Variants in RGS7 observed in about 807,000 individuals in gnomAD.
The protein encoded by RGS7 is regulator of G-protein signaling 7.
In RGS7, 27 loss-of-function variants were observed where a neutral mutation model predicts 81.1. The observed-to-expected ratio is 0.33, with a 90% CI of 0.25 to 0.46. The LOEUF (loss-of-function observed/expected upper bound fraction) is 0.46. RGS7 is among the 20% of genes least tolerant of loss of function. The pLI is 1.00. For missense variants in RGS7, 396 were observed against 607.4 expected (o/e 0.65, Z 3.66); for synonymous variants, 208 against 207.7 (o/e 1.00, Z -0.01).
At chr1:241,272,005 A>G (rs1036425551) in intron 2 of RGS7, among the ~76,000 whole-genome samples, 2 of 76,772 alleles carry the variant, frequency 2.6e-5, no homozygotes, top group African/African-American at 4.8e-5. Context: ...TTTTATTTTT[A>G]TTTTTTGAGA....
chr1:240,924,595 T>C (rs901747657), intron 6 of RGS7, among the ~76,000 whole-genome samples: 1 of 152,202 alleles, frequency 6.6e-6, no homozygotes, highest in African/African-American at 2.4e-5. Flanking sequence ...CTCCCTTCCA[T>C]ACTAAATATG....
intron 2 of RGS7, among the ~76,000 whole-genome samples, chr1:241,263,828 C>T (rs1031525564): frequency 6.6e-6 from 1 of 152,132 alleles, no homozygotes; most frequent in Non-Finnish European, 1.5e-5. Flanking sequence ...CCTGACATTG[C>T]AAACTCTGGG....
intron 2 of RGS7, among the ~76,000 whole-genome samples, chr1:241,227,131 G>A (rs2075353113): frequency 6.6e-6 from 1 of 152,128 alleles, no homozygotes; most frequent in African/African-American, 2.4e-5. Context: ...GGAAAAGGAG[G>A]AATCTACCAT....
At chr1:241,298,255 G>A (rs1474146514) in intron 2 of RGS7, among the ~76,000 whole-genome samples, 1 of 152,154 alleles carries the variant, frequency 6.6e-6, no homozygotes, top group Non-Finnish European at 1.5e-5. Context: ...TGAATCCCTT[G>A]ATTGAGGGTC....
chr1:241,138,801 T>C (rs1183619588), intron 2 of RGS7, among the ~76,000 whole-genome samples: 1 of 152,152 alleles, frequency 6.6e-6, no homozygotes, highest in Admixed American at 6.5e-5. Context: ...CTTTCCATGG[T>C]TTTCCTCATA....
chr1:241,186,550 G>C, intron 2 of RGS7: 1 of 295,644 alleles, frequency 3.4e-6, no homozygotes, highest in Non-Finnish European at 4.8e-6. Context: ...TTGAGACGGA[G>C]TTTTGCTCTT....
chr1:240,786,203 A>C lies in RGS7; in HGVS notation c.*7-9990T>G, dbSNP rs1685038083. On this transcript the variant is annotated intron_variant, in intron 18 of 18. Coordinates refer to ENST00000440928, the MANE Select transcript of RGS7 (RefSeq NM_001364886.1). Reference sequence around the variant, plus strand: ...AAGAAAACATAGAAAAAAGAGAAGAAATAAATATTACTTGAAATATGATCA... The same window carrying C: ...AAGAAAACATAGAAAAAAGAGAAGACATAAATATTACTTGAAATATGATCA... Among the ~76,000 whole-genome samples the C allele has an allele frequency of 1.3e-5, 2 of 152,310 alleles. 1 individual carries two copies.
At chr1:240,997,528 C>CA (rs564571549) in intron 3 of RGS7, among the ~76,000 whole-genome samples, 2 of 151,962 alleles carry the variant, frequency 1.3e-5, no homozygotes, top group East Asian at 1.9e-4. Flanking sequence ...TCAAAACAAT[C>CA]AAAAAAATTC....
chr1:241,261,753 T>A (rs1185106104), intron 2 of RGS7, among the ~76,000 whole-genome samples: 6 of 133,002 alleles, frequency 4.5e-5, no homozygotes, highest in Non-Finnish European at 9.6e-5. Context: ...TCAGGAGCCA[T>A]AATGTTAATT....
chr1:240,824,347 A>G (rs1255830208), intron 10 of RGS7, among the ~76,000 whole-genome samples: 1 of 152,234 alleles, frequency 6.6e-6, no homozygotes, highest in Non-Finnish European at 1.5e-5. Context: ...TGCTACGAGC[A>G]TTATCTGCTT....
chr1:240,950,685 T>C (rs1679408249), intron 4 of RGS7, among the ~76,000 whole-genome samples: 3 of 152,176 alleles, frequency 2.0e-5, no homozygotes, highest in Admixed American at 2.0e-4. Flanking sequence ...TATGGTATAA[T>C]ATCAGATTAC....
At chr1:241,076,316 C>G (rs920324941) in intron 3 of RGS7, among the ~76,000 whole-genome samples, 1 of 152,162 alleles carries the variant, frequency 6.6e-6, no homozygotes, top group Non-Finnish European at 1.5e-5. Flanking sequence ...GGCTTCCCTT[C>G]ACTTTGAAAT....
intron 2 of RGS7, among the ~76,000 whole-genome samples, chr1:241,270,761 C>CTT (rs1043826920): frequency 3.4e-4 from 50 of 148,978 alleles, no homozygotes; most frequent in Middle Eastern, 3.4e-3. Context: ...ACCCCCCCCC[C>CTT]TTTTTTTTTT....
intron 2 of RGS7, among the ~76,000 whole-genome samples, chr1:241,215,061 A>T (rs2147948110): frequency 6.6e-6 from 1 of 152,304 alleles, no homozygotes; most frequent in Non-Finnish European, 1.5e-5. Flanking sequence ...TAATTTTTAG[A>T]GTGCCCTGGT....
intron 6 of RGS7, among the ~76,000 whole-genome samples, chr1:240,929,477 G>T (rs1675029889): frequency 6.7e-6 from 1 of 149,720 alleles, no homozygotes; most frequent in Admixed American, 6.6e-5. Context: ...CTGGTTTTTA[G>T]ATTTTTTTTT....
intron 2 of RGS7, among the ~76,000 whole-genome samples, chr1:241,126,396 G>A (rs2066663984): frequency 1.3e-5 from 2 of 152,006 alleles, no homozygotes. Context: ...TGATCCGCCC[G>A]CCTTGGCCTC....
At position 241,150,366 on chromosome 1, in the gene RGS7, T is replaced by C. The variant is rs192005066; in HGVS notation, c.79-51604A>G. On this transcript the variant is annotated intron_variant, in intron 2 of 18. Transcript: ENST00000440928. ...ACATTAAAATAGAAATATTTCAATC[T>C]CAGTTTTGCCTAAGGCCCCAAGTCC... is the stretch of plus-strand genomic sequence containing the variant. Among the ~76,000 whole-genome samples, 491 of 152,246 alleles carry C rather than the reference T, an allele frequency of 3.2e-3. 3 individuals are homozygous for C. The highest frequency in any genetic ancestry group is 0.014 in the Middle Eastern group (4 of 294).
At chr1:240,963,276 T>A (rs1681757923) in intron 4 of RGS7, among the ~76,000 whole-genome samples, 1 of 152,110 alleles carries the variant, frequency 6.6e-6, no homozygotes, top group Non-Finnish European at 1.5e-5. Context: ...CAAGTAGAGA[T>A]CTATAGCAGA....
At chr1:241,131,314 G>C (rs533176875) in intron 2 of RGS7, among the ~76,000 whole-genome samples, 6 of 152,314 alleles carry the variant, frequency 3.9e-5, no homozygotes, top group Middle Eastern at 6.8e-3. Flanking sequence ...AGATGAGGAT[G>C]TTATTTCACT....
Sources: allele counts gnomAD v4.1 joint callset (sites outside exome capture counted in the v4.1 genomes callset), GRCh38; gene constraint gnomAD v4.1.1; transcripts MANE v1.5; gene names NCBI Gene and HGNC (gene_info 2026-07-23, HGNC 2026-07-21).